CWF19L2: variants seen among roughly 807,000 people sequenced by gnomAD.
The protein encoded by CWF19L2 is CWF19 like cell cycle control factor 2, also known as CWF19-like protein 2.
A neutral mutation model predicts 111.7 loss-of-function variants in CWF19L2; 98 were observed. The ratio of observed to expected loss-of-function variants is 0.88; its 90% CI spans 0.75 to 1.04. CWF19L2 has a LOEUF of 1.04. Among genes scored for constraint, CWF19L2 ranks in the 50% least tolerant of loss-of-function variants. The pLI is 0.00. For synonymous variants in CWF19L2, 351 were observed against 342.9 expected (o/e 1.02, Z -0.26); for missense variants, 1,101 against 1,051.4 (o/e 1.05, Z -0.65).
chr11:107,383,168 TG>T (rs1259928673), intron 12 of CWF19L2, among the ~76,000 whole-genome samples: 1 of 152,140 alleles, frequency 6.6e-6, no homozygotes, highest in East Asian at 1.9e-4. Flanking sequence ...GTACCCGAAG[TG>T]GGGGGGTCAT....
intron 12 of CWF19L2, among the ~76,000 whole-genome samples, chr11:107,374,279 C>G (rs373261987): frequency 1.6e-5 from 2 of 128,478 alleles, no homozygotes; most frequent in Non-Finnish European, 3.2e-5. Flanking sequence ...ACGCCACAAA[C>G]ATACTCCTCG....
At chr11:107,343,653 C>T (rs1237155861) in intron 14 of CWF19L2, among the ~76,000 whole-genome samples, 1 of 151,588 alleles carries the variant, frequency 6.6e-6, no homozygotes, top group Admixed American at 6.6e-5. Flanking sequence ...GTTCCTTTCT[C>T]TTGCCTTCCG....
intron 11 of CWF19L2, among the ~76,000 whole-genome samples, chr11:107,392,516 C>T (rs1014287091): frequency 6.6e-6 from 1 of 152,110 alleles, no homozygotes; most frequent in Admixed American, 6.5e-5. Flanking sequence ...AAAACAACAT[C>T]AAAGAAATGT....
At chr11:107,442,763 GA>G in intron 4 of CWF19L2, among the ~76,000 whole-genome samples, 175 bp downstream of exon 4, 1 of 37,564 alleles carries the variant, frequency 2.7e-5, no homozygotes, top group African/African-American at 1.4e-4. Context: ...AGGAAGGAAG[GA>G]AGGAAGGAAG....
At chr11:107,343,335 G>C (rs1860031842) in intron 14 of CWF19L2, among the ~76,000 whole-genome samples, 1 of 151,974 alleles carries the variant, frequency 6.6e-6, no homozygotes, top group South Asian at 2.1e-4. Flanking sequence ...TGTCTTCTCG[G>C]TGGATTGACC....
intron 12 of CWF19L2, among the ~76,000 whole-genome samples, chr11:107,363,079 G>C (rs569658264): frequency 5.3e-5 from 8 of 152,148 alleles, no homozygotes; most frequent in Non-Finnish European, 1.0e-4. Context: ...ATCAGCGATG[G>C]AAGATGAAAT....
Position 107,439,187 on chromosome 11 carries a change from G to A in CWF19L2, c.571-4C>T. On this transcript the variant is annotated splice_polypyrimidine_tract_variant and splice_region_variant and intron_variant, in intron 5 of 17. Transcript: ENST00000282251. ...ATTCTCTTTCCATCAGTTTGGACTA[G>A]AACAAATTATTTTCAGAGGTGAAAT... is the stretch of plus-strand genomic sequence containing the variant. 1.1e-5 allele frequency: 18 copies of A among 1,566,404 alleles called. No homozygotes were observed. Among genetic ancestry groups the A allele is most frequent in the Non-Finnish European group, 1.6e-5 (18 of 1,153,616 alleles).
chr11:107,330,268 C>T (rs937156977), intron 16 of CWF19L2, among the ~76,000 whole-genome samples: 1 of 152,140 alleles, frequency 6.6e-6, no homozygotes, highest in Non-Finnish European at 1.5e-5. Flanking sequence ...AACTATTTTG[C>T]TGTCCTTGGG....
chr11:107,418,164 A>T (rs767389993), intron 9 of CWF19L2, 30 bp downstream of exon 9: 4 of 1,327,362 alleles, frequency 3.0e-6, no homozygotes, highest in Non-Finnish European at 4.4e-6. Context: ...TTTAATCATT[A>T]TTCTCTAAAG....
intron 14 of CWF19L2, among the ~76,000 whole-genome samples, chr11:107,339,499 T>C (rs1048945448): frequency 6.6e-6 from 1 of 152,086 alleles, no homozygotes; most frequent in African/African-American, 2.4e-5. Context: ...GCATCTGGGG[T>C]TGTCAATGTG....
At chr11:107,448,996 AAAT>A (rs1390008933) in intron 3 of CWF19L2, among the ~76,000 whole-genome samples, 3 of 152,138 alleles carry the variant, frequency 2.0e-5, no homozygotes, top group Admixed American at 1.3e-4. Context: ...ATTCACTGAA[AAAT>A]AATGATGAAA....
chr11:107,339,927 C>A (rs1194675098), intron 14 of CWF19L2, among the ~76,000 whole-genome samples: 1 of 152,088 alleles, frequency 6.6e-6, no homozygotes, highest in Non-Finnish European at 1.5e-5. Flanking sequence ...CTCAGCCTCC[C>A]AAAGTCCTGA....
chr11:107,334,039 C>T (rs1287115965), intron 16 of CWF19L2, among the ~76,000 whole-genome samples: 6 of 152,156 alleles, frequency 3.9e-5, no homozygotes, highest in African/African-American at 1.4e-4. Flanking sequence ...CACAAACAGG[C>T]AGAAGACTGG....
At chr11:107,349,942 A>C (rs1336468595) in intron 13 of CWF19L2, among the ~76,000 whole-genome samples, 1 of 152,202 alleles carries the variant, frequency 6.6e-6, no homozygotes, top group Admixed American at 6.6e-5. Flanking sequence ...TAAAGAAATC[A>C]CTGAATTTTC....
intron 7 of CWF19L2, among the ~76,000 whole-genome samples, chr11:107,430,690 CAG>C (rs1269541229): frequency 1.3e-5 from 2 of 151,866 alleles, no homozygotes; most frequent in African/African-American, 4.8e-5. Context: ...TACATAGAAA[CAG>C]AAAGTAGGAA....
intron 13 of CWF19L2, 60 bp downstream of exon 13, chr11:107,353,464 T>G (rs1013492431): frequency 8.6e-6 from 11 of 1,275,258 alleles, no homozygotes. Context: ...CAAGTTATTC[T>G]ATGAAGAAAC....
chr11:107,375,366 T>A (rs1430488958), intron 12 of CWF19L2, among the ~76,000 whole-genome samples: 1 of 137,296 alleles, frequency 7.3e-6, no homozygotes, highest in Non-Finnish European at 1.6e-5. Flanking sequence ...ACCACATACT[T>A]GGAAGTAAAG....
chr11:107,339,377 G>T (rs1234927742), intron 14 of CWF19L2, among the ~76,000 whole-genome samples: 1 of 152,080 alleles, frequency 6.6e-6, no homozygotes, highest in Non-Finnish European at 1.5e-5. Flanking sequence ...TCCTATGATA[G>T]TTGCATATTT....
intron 12 of CWF19L2, among the ~76,000 whole-genome samples, chr11:107,372,306 T>G (rs1296282213): frequency 7.4e-6 from 1 of 134,700 alleles, no homozygotes; most frequent in Admixed American, 7.3e-5. Flanking sequence ...GAAAGAGTTA[T>G]GATAAAGATG....
Sources: gnomAD v4.1 joint callset for allele counts (sites outside exome capture counted in the v4.1 genomes callset) on GRCh38, gnomAD v4.1.1 for gene constraint, MANE v1.5 for transcripts, NCBI Gene and HGNC (gene_info 2026-07-23, HGNC 2026-07-21) for gene names.